GALNT13: variants seen among roughly 807,000 people sequenced by gnomAD.
GALNT13 encodes the protein polypeptide N-acetylgalactosaminyltransferase 13.
GALNT13 carries 28 observed loss-of-function variants against 64.2 expected under a neutral mutation model. The ratio of observed to expected loss-of-function variants is 0.44; its 90% CI spans 0.32 to 0.60. GALNT13 has a LOEUF of 0.60. Ranked by LOEUF, GALNT13 falls within the 20% of genes least tolerant of loss-of-function variation. GALNT13 has a pLI of 0.05. For missense variants in GALNT13, 577 were observed against 669.8 expected, an observed-to-expected ratio of 0.86 and a Z score of 1.53; for synonymous variants, 214 against 224.6, an observed-to-expected ratio of 0.95 and a Z score of 0.42.
chr2:153,224,936 A>G, the GALNT13 span, among the ~76,000 whole-genome samples: 9 of 152,370 alleles, frequency 5.9e-5, no homozygotes, highest in East Asian at 1.2e-3. Context: ...ATTATTTTCC[A>G]GTAAGTGAAG....
chr2:154,342,825 C>CGTGT (rs59607214), intron 9 of GALNT13, among the ~76,000 whole-genome samples: 1,983 of 146,752 alleles, frequency 0.014, 43 homozygotes, highest in African/African-American at 0.045. Flanking sequence ...TAAGAGTGTG[C>CGTGT]GTGTGTGTGT....
At chr2:153,077,920 C>T in the GALNT13 span, among the ~76,000 whole-genome samples, 7 of 152,210 alleles carry the variant, frequency 4.6e-5, no homozygotes, top group South Asian at 8.3e-4. Context: ...AAAACTTTCA[C>T]CTTTGTGATG....
the GALNT13 span, among the ~76,000 whole-genome samples, chr2:153,613,705 A>T: frequency 2.6e-5 from 4 of 152,130 alleles, no homozygotes; most frequent in African/African-American, 9.7e-5. Flanking sequence ...ATTCCCACCT[A>T]TGAGTGAGAA....
At chr2:154,068,746 A>G (rs1427763298) in intron 3 of GALNT13, among the ~76,000 whole-genome samples, 1 of 152,010 alleles carries the variant, frequency 6.6e-6, no homozygotes, top group Admixed American at 6.6e-5. Context: ...GCTGGTGGGA[A>G]GTGGAGATGA....
intron 3 of GALNT13, among the ~76,000 whole-genome samples, chr2:153,986,998 A>G (rs1455582646): frequency 6.6e-6 from 1 of 151,944 alleles, no homozygotes; most frequent in Non-Finnish European, 1.5e-5. Context: ...GAAATAAGAG[A>G]AGCGTAAGAG....
the GALNT13 span, among the ~76,000 whole-genome samples, chr2:153,491,653 C>G: frequency 6.6e-6 from 1 of 151,834 alleles, no homozygotes; most frequent in East Asian, 1.9e-4. Context: ...CGGAGTCTCG[C>G]TCTATTGCCC....
chr2:153,966,222 T>TTC (rs2105110280), intron 3 of GALNT13, among the ~76,000 whole-genome samples: 1 of 148,810 alleles, frequency 6.7e-6, no homozygotes, highest in African/African-American at 2.4e-5. Flanking sequence ...TGGATTTCTT[T>TTC]TTTTTTTTTT....
the GALNT13 span, among the ~76,000 whole-genome samples, chr2:153,403,633 C>T: frequency 5.3e-5 from 8 of 152,164 alleles, no homozygotes; most frequent in African/African-American, 1.4e-4. Flanking sequence ...TCTTGTGATG[C>T]GCCGTTTTTC....
chr2:153,226,658 AT>A, the GALNT13 span, among the ~76,000 whole-genome samples: 1 of 152,224 alleles, frequency 6.6e-6, no homozygotes, highest in African/African-American at 2.4e-5. Context: ...TGTCAAACTT[AT>A]CAAAAACAAG....
chr2:154,177,041 A>C (rs1685691354), intron 4 of GALNT13, among the ~76,000 whole-genome samples: 1 of 152,200 alleles, frequency 6.6e-6, no homozygotes, highest in African/African-American at 2.4e-5. Flanking sequence ...TGGCTAAGGA[A>C]TCAGTCTTTT....
At chr2:153,854,116 C>T in the GALNT13 span, among the ~76,000 whole-genome samples, 1 of 151,828 alleles carries the variant, frequency 6.6e-6, no homozygotes, top group East Asian at 1.9e-4. Context: ...GTAATTATTG[C>T]TAATAACATA....
chr2:154,395,027 GACA>G (rs1698992052), intron 9 of GALNT13, among the ~76,000 whole-genome samples: 1 of 152,162 alleles, frequency 6.6e-6, no homozygotes. Context: ...CTCTATTTTA[GACA>G]ACAATTGGCT....
rs1046031883 is a variant in GALNT13 at position 154,453,172 on chromosome 2, C to T, written c.*2621C>T. 3 of 152,134 alleles carry T rather than the reference C, an allele frequency of 2.0e-5. No individual in the cohort carries two copies. The highest frequency in any genetic ancestry group is 6.6e-5 in the Admixed American group (1 of 15,260). 9.4% of individuals were successfully genotyped at this position (152,134 alleles called of 1,614,324 possible). ...TTATTTAGTTCCCTAATTTCCCAGT[C>T]CTTGTCTTGAACAATCTTTTCTCAG... On this transcript the variant is annotated 3_prime_UTR_variant, in exon 13 of 13. Coordinates refer to ENST00000392825, the MANE Select transcript of GALNT13 (RefSeq NM_052917.4).
chr2:154,108,748 T>G (rs1294109740), intron 3 of GALNT13, among the ~76,000 whole-genome samples: 1 of 152,118 alleles, frequency 6.6e-6, no homozygotes, highest in Non-Finnish European at 1.5e-5. Flanking sequence ...TCTATCCATT[T>G]TAGGGTATGA....
At chr2:154,414,788 A>G (rs1438124620) in intron 11 of GALNT13, among the ~76,000 whole-genome samples, 3 of 151,810 alleles carry the variant, frequency 2.0e-5, no homozygotes, top group Non-Finnish European at 2.9e-5. Context: ...TTTTGTTTAC[A>G]GTTTTTTTTA....
intron 8 of GALNT13, among the ~76,000 whole-genome samples, chr2:154,266,632 TTTA>T (rs1215272183): frequency 3.3e-5 from 5 of 152,004 alleles, no homozygotes; most frequent in Non-Finnish European, 5.9e-5. Context: ...AATACTATTA[TTTA>T]TTAATAGTTA....
the GALNT13 span, among the ~76,000 whole-genome samples, chr2:153,072,371 C>T: frequency 6.6e-6 from 1 of 152,152 alleles, no homozygotes; most frequent in Admixed American, 6.5e-5. Flanking sequence ...TGACCATTCT[C>T]AGTTAATTTC....
intron 2 of GALNT13, among the ~76,000 whole-genome samples, chr2:153,933,546 T>C (rs1690680637): frequency 6.6e-6 from 1 of 152,096 alleles, no homozygotes; most frequent in African/African-American, 2.4e-5. Context: ...TTAAGTGGGG[T>C]GTTTATCCTG....
intron 9 of GALNT13, among the ~76,000 whole-genome samples, chr2:154,320,208 A>G (rs953084697): frequency 1.3e-5 from 2 of 152,164 alleles, no homozygotes; most frequent in African/African-American, 4.8e-5. Flanking sequence ...GTTAAAGTTA[A>G]TGGCTTACCA....
Sources: allele counts gnomAD v4.1 joint callset (sites outside exome capture counted in the v4.1 genomes callset), GRCh38; gene constraint gnomAD v4.1.1; transcripts MANE v1.5; gene names NCBI Gene and HGNC (gene_info 2026-07-23, HGNC 2026-07-21).